BCL2L13: variants seen among roughly 807,000 people sequenced by gnomAD.
BCL2L13 encodes the protein bcl-2-like protein 13.
BCL2L13 carries 13 observed loss-of-function variants against 25.8 expected under a neutral mutation model. The observed-to-expected ratio is 0.50, with a 90% CI of 0.33 to 0.80. The LOEUF is 0.80. Among genes scored for constraint, BCL2L13 ranks in the 30% least tolerant of loss-of-function variants. The pLI, the probability that BCL2L13 is intolerant of heterozygous loss-of-function variation, is 0.02. For synonymous variants in BCL2L13, 244 were observed against 230.3 expected (o/e 1.06, Z -0.54); for missense variants, 504 against 574.9 (o/e 0.88, Z 1.26).
chr22:17,644,910 A>G (rs2146418184), intron 1 of BCL2L13, among the ~76,000 whole-genome samples: 1 of 150,888 alleles, frequency 6.6e-6, no homozygotes, highest in East Asian at 1.9e-4. Flanking sequence ...CCCTGGTTCA[A>G]GGGATTCTCC....
At chr22:17,711,785 A>G (rs140014682) in intron 6 of BCL2L13, among the ~76,000 whole-genome samples, 1 of 152,288 alleles carries the variant, frequency 6.6e-6, no homozygotes, top group Admixed American at 6.5e-5. Context: ...GAGAATTCCT[A>G]TCAGTTGTCA....
rs71201853 is a variant in BCL2L13 at position 17,646,888 on chromosome 22, T to TTGTGTG, written c.-51+8032_-51+8037dup. Among the ~76,000 whole-genome samples the TTGTGTG allele has an allele frequency of 4.1e-3, 371 of 89,936 alleles. 5 individuals are homozygous for TTGTGTG. The highest frequency in any genetic ancestry group is 0.016 in the African/African-American group (351 of 22,416). The allele number at this position is 89,936 out of a possible 152,430, so 59.0% of individuals were successfully genotyped here. ...GTGCCTGCCACCACGCCCAGCTAAT[T>TTGTGTG]TGTGTGTGTGTGTGTGTGTGTGTGT... On this transcript the variant is annotated intron_variant, in intron 1 of 6. Coordinates refer to ENST00000317582, the MANE Select transcript of BCL2L13 (RefSeq NM_015367.4).
rs141004386 is a variant in BCL2L13, at chr22:17,704,333, C to T, written c.600+1947C>T. Among the ~76,000 whole-genome samples the T allele has an allele frequency of 2.8e-4, 42 of 152,130 alleles. No homozygotes were observed. In the East Asian group the frequency reaches 6.8e-3, roughly 25 times the overall value. The stretch of plus-strand genomic sequence containing the variant: ...CTCCTGGCCTCAAGTGATCCACCCA[C>T]TTAGGCCTCCCAAAGTGCTGGGATT... On this transcript the variant is annotated intron_variant, in intron 6 of 6. Coordinates refer to ENST00000317582, the MANE Select transcript of BCL2L13 (RefSeq NM_015367.4).
chr22:17,710,942 G>A (rs1569002453), intron 6 of BCL2L13, among the ~76,000 whole-genome samples: 2 of 151,948 alleles, frequency 1.3e-5, no homozygotes, highest in Non-Finnish European at 2.9e-5. Flanking sequence ...AATATATTAC[G>A]CCAAAGTTGT....
chr22:17,634,618 C>A (rs2058076215), upstream of BCL2L13, among the ~76,000 whole-genome samples: 1 of 152,206 alleles, frequency 6.6e-6, no homozygotes, highest in Non-Finnish European at 1.5e-5. Context: ...TAGCACCCAG[C>A]ACCCTGCCTG....
chr22:17,671,582 C>A (rs1462647515), intron 2 of BCL2L13, among the ~76,000 whole-genome samples: 3 of 149,020 alleles, frequency 2.0e-5, no homozygotes, highest in Non-Finnish European at 4.5e-5. Context: ...AAAAAAAAAT[C>A]TTGCTCCTTT....
intron 2 of BCL2L13, among the ~76,000 whole-genome samples, chr22:17,678,599 C>G (rs778204440): frequency 6.6e-6 from 1 of 152,274 alleles, no homozygotes; most frequent in South Asian, 2.1e-4. Context: ...ACTATTATTT[C>G]ATCCCTCATA....
intron 4 of BCL2L13, among the ~76,000 whole-genome samples, chr22:17,693,826 C>T (rs1303262252): frequency 6.6e-6 from 1 of 152,158 alleles, no homozygotes; most frequent in African/African-American, 2.4e-5. Context: ...CAACCTCCAC[C>T]TCCTGGGTTC....
intron 1 of BCL2L13, among the ~76,000 whole-genome samples, chr22:17,643,987 C>G (rs2058384162): frequency 6.6e-6 from 1 of 151,368 alleles, no homozygotes. Context: ...CGGCTCACTG[C>G]AAACTCCGCT....
chr22:17,657,794 G>A (rs1448577324), intron 2 of BCL2L13, among the ~76,000 whole-genome samples: 1 of 149,326 alleles, frequency 6.7e-6, no homozygotes, highest in Non-Finnish European at 1.5e-5. Context: ...AGGATTACAG[G>A]CGTGAGCCAC....
chr22:17,702,488 A>T, intron 6 of BCL2L13, 102 bp downstream of exon 6: 1 of 1,144,116 alleles, frequency 8.7e-7, no homozygotes, highest in Non-Finnish European at 1.2e-6. Context: ...GCTGGAGTGC[A>T]GTGTCTAATT....
At chr22:17,654,037 A>G (rs2587098) in intron 1 of BCL2L13, among the ~76,000 whole-genome samples, 21,313 of 152,062 alleles carry the variant, frequency 0.14, 2,041 homozygotes, top group Non-Finnish European at 0.21. Context: ...CCTATAGAGT[A>G]CCTTGCAGCT....
intron 6 of BCL2L13, among the ~76,000 whole-genome samples, chr22:17,721,351 C>A (rs567471613): frequency 1.3e-5 from 2 of 152,016 alleles, no homozygotes; most frequent in East Asian, 3.9e-4. Flanking sequence ...TATTTACATT[C>A]TTTTAGTTTT....
intron 2 of BCL2L13, among the ~76,000 whole-genome samples, chr22:17,658,926 G>T (rs1337775968): frequency 6.7e-6 from 1 of 149,526 alleles, no homozygotes; most frequent in Non-Finnish European, 1.5e-5. Context: ...GGGCATGGTG[G>T]CAGGCACCTG....
intron 5 of BCL2L13, among the ~76,000 whole-genome samples, chr22:17,699,543 T>G (rs1221995758): frequency 6.6e-6 from 1 of 152,170 alleles, no homozygotes; most frequent in Non-Finnish European, 1.5e-5. Flanking sequence ...TGGTCAAAAA[T>G]ACTTTAGCAT....
In BCL2L13 at chr22:17,727,682, T is replaced by C; in HGVS notation, c.*148T>C. On this transcript the variant is annotated 3_prime_UTR_variant, in exon 7 of 7. Transcript: ENST00000317582. ...CAACATGGCAGTGGCATGTTAGGCATGTTAGGGCTTGAGGTGGGGCATTCA... is the reference window on the plus strand; with the variant it reads ...CAACATGGCAGTGGCATGTTAGGCACGTTAGGGCTTGAGGTGGGGCATTCA... 1 of 1,077,782 alleles carries C rather than the reference T, an allele frequency of 9.3e-7. No individual in the cohort carries two copies. The highest frequency in any genetic ancestry group is 1.3e-6 in the Non-Finnish European group (1 of 761,516). The allele number at this position is 1,077,782 out of a possible 1,614,324, so 66.8% of individuals were successfully genotyped here. A position where few individuals can be genotyped will look rare whatever the true frequency, so the allele number is the denominator to read the frequency against.
At chr22:17,651,394 TTTA>T (rs369757921) in intron 1 of BCL2L13, among the ~76,000 whole-genome samples, 96,938 of 151,200 alleles carry the variant, frequency 0.64, 31,684 homozygotes, top group East Asian at 0.79. Flanking sequence ...TATTTATTTA[TTTA>T]TTTGAGACGG....
At chr22:17,646,897 TGTGTG>T (rs2058496506) in intron 1 of BCL2L13, among the ~76,000 whole-genome samples, 5 of 105,074 alleles carry the variant, frequency 4.8e-5, no homozygotes, top group African/African-American at 1.6e-4. Flanking sequence ...TTTGTGTGTG[TGTGTG>T]TGTGTGTGTG....
intron 3 of BCL2L13, chr22:17,684,522 T>G: frequency 2.2e-6 from 1 of 451,030 alleles, no homozygotes; most frequent in South Asian, 1.6e-5. Context: ...TTGATTTGCC[T>G]ATTCTGGAAA....
Sources: gnomAD v4.1 joint callset for allele counts (sites outside exome capture counted in the v4.1 genomes callset) on GRCh38, gnomAD v4.1.1 for gene constraint, MANE v1.5 for transcripts, NCBI Gene and HGNC (gene_info 2026-07-23, HGNC 2026-07-21) for gene names.